Variants in KANK3 observed in about 807,000 individuals in gnomAD.
KANK3 encodes the protein KN motif and ankyrin repeat domain-containing protein 3.
KANK3 carries 61 observed loss-of-function variants against 65.4 expected under a neutral mutation model. The ratio of observed to expected loss-of-function variants is 0.93; its 90% confidence interval spans 0.76 to 1.15. The LOEUF is 1.15. Among genes scored for constraint, KANK3 ranks in the 50% most tolerant of loss-of-function variants. The pLI, the probability that KANK3 is intolerant of heterozygous loss-of-function variation, is 0.00. For missense variants in KANK3, 1,187 were observed against 1,178.8 expected (o/e 1.01, Z -0.10); for synonymous variants, 586 against 543.3 (o/e 1.08, Z -1.09).
chr19:8,326,821 C>T (rs1426746259), intron 7 of KANK3, among the ~76,000 whole-genome samples: 1 of 151,784 alleles, frequency 6.6e-6, no homozygotes, highest in Admixed American at 6.6e-5. Context: ...AAAAACCTGC[C>T]AACACCTTGA....
At chr19:8,337,916 T>C in intron 1 of KANK3, 60 bp from the exon 2 acceptor site, 1 of 1,593,370 alleles carries the variant, frequency 6.3e-7, no homozygotes, top group Non-Finnish European at 8.5e-7. Context: ...CTCTGGGGCC[T>C]GCCTTTGAGT....
chr19:8,341,646 C>T (rs1323789844), intron 1 of KANK3, among the ~76,000 whole-genome samples: 5 of 152,064 alleles, frequency 3.3e-5, no homozygotes, highest in Non-Finnish European at 7.4e-5. Flanking sequence ...AGGCGTGAGC[C>T]GTGCCCGGCC....
rs1970601566 is a variant in KANK3, at chr19:8,334,857, C to G, written c.970G>C (p.Glu324Gln). ...TCGGGGGCAGCCTCCACGCCGGCCT[C>G]CCGGGTCTCCGGCACGGCCTGGGCA... Reference protein sequence around the residue: ...AGAQAVPETREAGVEAAPETV... With the variant: ...AGAQAVPETRQAGVEAAPETV... The change falls in exon 3 of 11, where the codon GAG becomes CAG. Residue 324 changes from glutamate (E) to glutamine (Q), a missense_variant. Transcript: ENST00000330915. The G allele has an allele frequency of 1.4e-6, 2 of 1,464,346 alleles. No homozygotes were observed. Among genetic ancestry groups the G allele is most frequent in the African/African-American group, 1.5e-5 (1 of 67,434 alleles). The allele number at this position is 1,464,346 out of a possible 1,614,324, so 90.7% of individuals were successfully genotyped here. A position where few individuals can be genotyped will look rare whatever the true frequency, so the allele number is the denominator to read the frequency against.
rs1360594558 is a variant in KANK3 at position 8,335,335 on chromosome 19, G to C, written c.492C>G (p.Ser164=). The part of the protein sequence containing the change: ...GRGVPRSPRG[S]GRSSPAPNLA... ...GGTTAGGGGCGGGGCTGCTGCGGCCGGACCCGCGTGGGCTGCGCGGGACCC... is the reference window on the plus strand; with the variant it reads ...GGTTAGGGGCGGGGCTGCTGCGGCCCGACCCGCGTGGGCTGCGCGGGACCC... The change falls in exon 3 of 11, where the codon TCC becomes TCG. Residue 164 remains serine (S), a synonymous_variant. Coordinates refer to ENST00000330915, the MANE Select transcript of KANK3 (RefSeq NM_198471.3). 4 of 1,194,440 alleles carry C rather than the reference G, an allele frequency of 3.3e-6. No individual in the cohort carries two copies. Among genetic ancestry groups the C allele is most frequent in the Middle Eastern group, 3.3e-4 (1 of 3,024 alleles). 74.0% of individuals were successfully genotyped at this position (1,194,440 alleles called of 1,614,324 possible). A position where few individuals can be genotyped will look rare whatever the true frequency, so the allele number is the denominator to read the frequency against.
At position 8,334,614 on chromosome 19, in the gene KANK3, G is replaced by T. The variant is rs1222463492; in HGVS notation, c.1213C>A (p.Pro405Thr). The T allele has an allele frequency of 1.3e-6, 2 of 1,575,684 alleles. No homozygotes were observed. Among genetic ancestry groups the T allele is most frequent in the Non-Finnish European group, 8.6e-7 (1 of 1,168,944 alleles). Residue 405 changes from proline to threonine, a missense_variant, in exon 3 of 11, where the codon CCG becomes ACG. Transcript: ENST00000330915. ...AQLREATTQT[P>T]WSCAEKAAQT... ...GCGGCCTTTTCGGCACAGCTCCACG[G>T]GGTCTGGGTGGTGGCCTCGCGTAGC...
intron 1 of KANK3, among the ~76,000 whole-genome samples, chr19:8,340,153 T>A (rs1278676566): frequency 6.6e-6 from 1 of 150,694 alleles, no homozygotes; most frequent in Non-Finnish European, 1.5e-5. Flanking sequence ...TCCCAGCTAC[T>A]CAGGAGGCTG....
intron 7 of KANK3, among the ~76,000 whole-genome samples, chr19:8,326,713 C>T (rs545818911): frequency 1.3e-5 from 2 of 149,376 alleles, no homozygotes; most frequent in East Asian, 4.0e-4. Context: ...AGAAGAATGG[C>T]ATGAACCCGG....
Position 8,334,878 on chromosome 19 carries a change from G to T in KANK3, c.949C>A (p.Gln317Lys). ...GCCTCCCGGGTCTCCGGCACGGCCT[G>T]GGCACCCGCTTCTCGGGTCTCGGGC... Reference protein sequence around the residue: ...AVPETREAGAQAVPETREAGV... With the variant: ...AVPETREAGAKAVPETREAGV... The change falls in exon 3 of 11, where the codon CAG (glutamine) becomes AAG (lysine). Residue 317 changes from glutamine to lysine, a missense_variant. This residue lies in a region of KANK3 where 1,078 missense variants were observed against 1,038.2 expected (regional missense o/e 1.04). Transcript: ENST00000330915. 1 of 1,458,070 alleles carries T rather than the reference G, an allele frequency of 6.9e-7. No homozygotes were observed. The highest frequency in any genetic ancestry group is 9.0e-7 in the Non-Finnish European group (1 of 1,114,328). The allele number at this position is 1,458,070 out of a possible 1,614,324, so 90.3% of individuals were successfully genotyped here.
At chr19:8,332,987 T>TTGGGGCGC in intron 7 of KANK3, 27 bp downstream of exon 7, 1 of 395,198 alleles carries the variant, frequency 2.5e-6, no homozygotes, top group Non-Finnish European at 4.8e-6. Context: ...TTTCCTGGTG[T>TTGGGGCGC]CCCACCCACC....
intron 7 of KANK3, among the ~76,000 whole-genome samples, chr19:8,330,246 C>T (rs1970500241): frequency 1.3e-5 from 2 of 152,106 alleles, no homozygotes; most frequent in East Asian, 3.9e-4. Context: ...CAAGCAAGTA[C>T]AGGCAGAGGG....
intron 7 of KANK3, among the ~76,000 whole-genome samples, chr19:8,331,401 GCTATAT>G (rs1970522710): frequency 6.6e-6 from 1 of 151,948 alleles, no homozygotes; most frequent in Non-Finnish European, 1.5e-5. Flanking sequence ...TTCCAGAGCA[GCTATAT>G]CCTTTCCTAG....
At chr19:8,337,180 G>A (rs1052172185) in intron 2 of KANK3, among the ~76,000 whole-genome samples, 11 of 147,450 alleles carry the variant, frequency 7.5e-5, no homozygotes, top group Non-Finnish European at 1.6e-4. Flanking sequence ...CTACAGGCAC[G>A]CGCCACCATG....
Position 8,324,827 on chromosome 19 carries a change from C to G in KANK3, c.2086G>C (p.Gly696Arg), listed in dbSNP as rs1260798019. Residue 696 changes from glycine (G) to arginine (R), a missense_variant, in exon 9 of 11, where the codon GGG becomes CGG. Coordinates refer to ENST00000330915, the MANE Select transcript of KANK3 (RefSeq NM_198471.3). The stretch of plus-strand genomic sequence containing the variant: ...ATGGCCAGCATGAGGGCTGTCTGCC[C>G]CGTCTGGGGAGTGGGGAGGAAGAGG... ...GDVNAKASQT[G>R]QTALMLAISH... 6.2e-7 allele frequency: 1 copy of G among 1,610,074 alleles called. No individual in the cohort carries two copies. The highest frequency in any genetic ancestry group is 2.2e-5 in the East Asian group (1 of 44,782).
chr19:8,323,912 T>C (rs961535547), intron 10 of KANK3, among the ~76,000 whole-genome samples: 1 of 152,206 alleles, frequency 6.6e-6, no homozygotes, highest in African/African-American at 2.4e-5. Flanking sequence ...TCTCCAGTTC[T>C]GAAGCTCTGG....
At position 8,334,854 on chromosome 19, in the gene KANK3, C is replaced by T; in HGVS notation, c.973G>A (p.Ala325Thr). 1 of 1,465,364 alleles carries T rather than the reference C, an allele frequency of 6.8e-7. No individual in the cohort carries two copies. The highest frequency in any genetic ancestry group is 8.9e-7 in the Non-Finnish European group (1 of 1,118,190). The allele number at this position is 1,465,364 out of a possible 1,614,324, so 90.8% of individuals were successfully genotyped here. A position where few individuals can be genotyped will look rare whatever the true frequency, so the allele number is the denominator to read the frequency against. ...GTCTCGGGGGCAGCCTCCACGCCGG[C>T]CTCCCGGGTCTCCGGCACGGCCTGG... ...GAQAVPETRE[A>T]GVEAAPETVE... Residue 325 changes from alanine (A) to threonine (T), a missense_variant, in exon 3 of 11, where the codon GCC becomes ACC. Coordinates refer to ENST00000330915, the MANE Select transcript of KANK3 (RefSeq NM_198471.3).
chr19:8,337,501 G>A (rs937298244), intron 2 of KANK3, among the ~76,000 whole-genome samples: 2 of 151,234 alleles, frequency 1.3e-5, no homozygotes, highest in Non-Finnish European at 3.0e-5. Context: ...ACACCGAGCC[G>A]TGCCTGGCTA....
At position 8,327,221 on chromosome 19, in the gene KANK3, C is replaced by G. The variant is rs534074417; in HGVS notation, c.1937-2125G>C. On this transcript the variant is annotated intron_variant, in intron 7 of 10. Transcript: ENST00000330915. ...AGTCAAATGACAGCAAAAATGGAGG[C>G]CAGGCATGGTGACTAACGCCTGTAC... Among the ~76,000 whole-genome samples the G allele has an allele frequency of 2.6e-5, 4 of 152,130 alleles. 1 individual carries two copies. In the South Asian group the frequency reaches 8.3e-4, roughly 32 times the overall value.
chr19:8,324,833 G>A lies in KANK3; in HGVS notation c.2083-3C>T, dbSNP rs1486594578. 6.2e-7 allele frequency: 1 copy of A among 1,608,702 alleles called. No homozygotes were observed. The highest frequency in any genetic ancestry group is 1.3e-5 in the African/African-American group (1 of 74,860). On this transcript the variant is annotated splice_polypyrimidine_tract_variant and splice_region_variant and intron_variant, in intron 8 of 10. Coordinates refer to ENST00000330915, the MANE Select transcript of KANK3 (RefSeq NM_198471.3). ...AGCATGAGGGCTGTCTGCCCCGTCT[G>A]GGGAGTGGGGAGGAAGAGGGAACAG...
Position 8,324,517 on chromosome 19 carries a change from C to T in KANK3, c.2314G>A (p.Glu772Lys). The T allele has an allele frequency of 6.2e-7, 1 of 1,613,644 alleles. No homozygotes were observed. Among genetic ancestry groups the T allele is most frequent in the Middle Eastern group, 1.7e-4 (1 of 6,060 alleles). Residue 772 changes from glutamate (E) to lysine (K), a missense_variant, in exon 10 of 11, where the codon GAG becomes AAG. Coordinates refer to ENST00000330915, the MANE Select transcript of KANK3 (RefSeq NM_198471.3). ...EGTSALAIALEAEQDEVAALL... is the reference protein window; with the variant it reads ...EGTSALAIALKAEQDEVAALL... ...GCGGCCACCTCATCCTGCTCAGCCTCCAGGGCGATGGCCAGGGCACTGGTG... is the reference window on the plus strand; with the variant it reads ...GCGGCCACCTCATCCTGCTCAGCCTTCAGGGCGATGGCCAGGGCACTGGTG...
Sources: gnomAD v4.1 joint callset for allele counts (sites outside exome capture counted in the v4.1 genomes callset) on GRCh38, gnomAD v4.1.1 for gene constraint, gnomAD v4.1.1 regional missense constraint, MANE v1.5 for transcripts, NCBI Gene and HGNC (gene_info 2026-07-23, HGNC 2026-07-21) for gene names.